Variants in RGL1 observed in about 807,000 individuals in gnomAD.
RGL1 encodes ral guanine nucleotide dissociation stimulator like 1.
RGL1 carries 24 observed loss-of-function variants against 95.2 expected under a neutral mutation model. That is an observed-to-expected ratio of 0.25 (90% CI 0.18 to 0.35). The LOEUF (loss-of-function observed/expected upper bound fraction) is 0.35, where lower values mean the gene tolerates loss of function less well. Among genes scored for constraint, RGL1 ranks in the 10% least tolerant of loss-of-function variants. The probability of loss-of-function intolerance (pLI) is 1.00; values close to 1 mark genes in which losing one functional copy is unlikely to be tolerated. For synonymous variants in RGL1, 329 were observed against 344.9 expected, an observed-to-expected ratio of 0.95 and a Z score of 0.51; for missense variants, 715 against 936.3, an observed-to-expected ratio of 0.76 and a Z score of 3.08.
chr1:183,656,626 GC>G (rs573426475), intron 1 of RGL1, among the ~76,000 whole-genome samples: 10 of 152,190 alleles, frequency 6.6e-5, no homozygotes, highest in Non-Finnish European at 1.2e-4. Flanking sequence ...CTGTGACCAT[GC>G]AGCAGCACTG....
upstream of RGL1, among the ~76,000 whole-genome samples, chr1:183,802,182 G>A (rs554013957): frequency 8.2e-4 from 125 of 152,232 alleles, no homozygotes; most frequent in African/African-American, 2.8e-3. Flanking sequence ...AGCACCATTT[G>A]TTGGAGAGAT....
intron 2 of RGL1, among the ~76,000 whole-genome samples, chr1:183,788,425 G>A (rs1355710887): frequency 6.6e-6 from 1 of 152,142 alleles, no homozygotes; most frequent in African/African-American, 2.4e-5. Flanking sequence ...CTTCCATTGG[G>A]GAGAGCAATC....
In RGL1 at chr1:183,710,874, G is replaced by C. The variant is rs796547462; in HGVS notation, c.-32-31252G>C. Among the ~76,000 whole-genome samples, 13 of 152,266 alleles carry C rather than the reference G, an allele frequency of 8.5e-5. 1 individual carries two copies. The highest frequency in any genetic ancestry group is 3.1e-4 in the African/African-American group (13 of 41,544). Reference sequence around the variant, plus strand: ...CCAGGATCACAGAAGTAGTGGAAGTGGATAACTAGAAGGAAAAGGGCAAAA... The same window carrying C: ...CCAGGATCACAGAAGTAGTGGAAGTCGATAACTAGAAGGAAAAGGGCAAAA... On this transcript the variant is annotated intron_variant, in intron 1 of 18. Coordinates refer to the RGL1 transcript ENST00000304685.
intron 9 of RGL1, among the ~76,000 whole-genome samples, chr1:183,896,591 A>C (rs1667715051): frequency 6.6e-6 from 1 of 152,216 alleles, no homozygotes; most frequent in African/African-American, 2.4e-5. Flanking sequence ...CAGTAGTGGA[A>C]GGTCACGTGC....
chr1:183,823,730 G>C (rs942169071), intron 2 of RGL1, among the ~76,000 whole-genome samples: 4 of 152,196 alleles, frequency 2.6e-5, no homozygotes, highest in Admixed American at 1.3e-4. Context: ...TATCATGTCT[G>C]TAGCATTCCA....
At chr1:183,761,802 T>A (rs1403019060) in intron 2 of RGL1, among the ~76,000 whole-genome samples, 2 of 152,246 alleles carry the variant, frequency 1.3e-5, no homozygotes, top group African/African-American at 4.8e-5. Context: ...CCTTCATCAA[T>A]GATCTTAACT....
intron 2 of RGL1, among the ~76,000 whole-genome samples, chr1:183,755,778 G>C (rs922196108): frequency 6.6e-6 from 1 of 152,094 alleles, no homozygotes; most frequent in African/African-American, 2.4e-5. Context: ...GTGTCCACAG[G>C]TATTTCGAGA....
intron 4 of RGL1, among the ~76,000 whole-genome samples, chr1:183,876,562 A>C (rs1031958902): frequency 6.6e-6 from 1 of 152,242 alleles, no homozygotes; most frequent in Non-Finnish European, 1.5e-5. Context: ...GACTGAATTT[A>C]GGTTATGTCA....
At chr1:183,709,269 C>T (rs371983445) in intron 1 of RGL1, 1 of 152,292 alleles carries the variant, frequency 6.6e-6, no homozygotes, top group African/African-American at 2.4e-5. Context: ...ACCCCCTCAC[C>T]CTCTTCCCGC....
At chr1:183,869,102 A>T (rs1272291505) in intron 4 of RGL1, among the ~76,000 whole-genome samples, 2 of 152,214 alleles carry the variant, frequency 1.3e-5, no homozygotes, top group African/African-American at 4.8e-5. Context: ...TGGGCAACAG[A>T]GTGAGTGAGA....
At chr1:183,898,392 G>C (rs985645175) in intron 10 of RGL1, among the ~76,000 whole-genome samples, 1 of 152,122 alleles carries the variant, frequency 6.6e-6, no homozygotes, top group East Asian at 1.9e-4. Context: ...CTAATCCCAA[G>C]GCTAACCAAA....
intron 4 of RGL1, among the ~76,000 whole-genome samples, chr1:183,879,487 G>T (rs1435596857): frequency 6.6e-6 from 1 of 152,194 alleles, no homozygotes. Flanking sequence ...ATTTTAAAAT[G>T]TGCTAAAAAA....
chr1:183,739,764 A>G (rs898053272), intron 1 of RGL1, among the ~76,000 whole-genome samples: 5 of 152,210 alleles, frequency 3.3e-5, no homozygotes, highest in Admixed American at 6.5e-5. Flanking sequence ...TTTAAAACTC[A>G]CAATTGCATC....
At chr1:183,654,120 G>A (rs954900615) in intron 1 of RGL1, among the ~76,000 whole-genome samples, 6 of 152,240 alleles carry the variant, frequency 3.9e-5, no homozygotes, top group South Asian at 4.2e-4. Context: ...GCTTCGCCAC[G>A]CCTGTTTCCA....
chr1:183,796,067 A>G (rs1253697218), intron 2 of RGL1, among the ~76,000 whole-genome samples: 2 of 152,090 alleles, frequency 1.3e-5, no homozygotes, highest in Non-Finnish European at 2.9e-5. Flanking sequence ...ATAATAGAAA[A>G]CATTATGTAT....
chr1:183,860,375 G>A (rs1033285500), intron 3 of RGL1, among the ~76,000 whole-genome samples: 1 of 152,172 alleles, frequency 6.6e-6, no homozygotes, highest in Non-Finnish European at 1.5e-5. Flanking sequence ...CAAAATAGAA[G>A]AGTAAAACCA....
intron 4 of RGL1, among the ~76,000 whole-genome samples, chr1:183,867,443 T>A (rs1316897663): frequency 1.3e-5 from 2 of 152,118 alleles, no homozygotes; most frequent in African/African-American, 4.8e-5. Context: ...AGATCGAGTG[T>A]GAGGGTCTGA....
chr1:183,698,386 A>G (rs1056785158), intron 1 of RGL1, among the ~76,000 whole-genome samples: 18 of 152,292 alleles, frequency 1.2e-4, no homozygotes, highest in African/African-American at 3.4e-4. Flanking sequence ...AATTTCCTGC[A>G]TTAATTCTCT....
In RGL1 at chr1:183,648,306, T is replaced by G. The variant is rs1157781616; in HGVS notation, c.-33+11805T>G. 1.9e-6 allele frequency: 3 copies of G among 1,614,168 alleles called. No individual in the cohort carries two copies. In the South Asian group the frequency reaches 3.3e-5, roughly 18 times the overall value. On this transcript the variant is annotated intron_variant, in intron 1 of 18. Coordinates refer to the RGL1 transcript ENST00000304685. The stretch of plus-strand genomic sequence containing the variant: ...TGAGGCAGGAAAGTCCATCTCAGTA[T>G]GATAGAGCTGAGAAAAATAAATACT...
Sources: gnomAD v4.1 joint callset for allele counts (sites outside exome capture counted in the v4.1 genomes callset) on GRCh38, gnomAD v4.1.1 for gene constraint, MANE v1.5 for transcripts, NCBI Gene and HGNC (gene_info 2026-07-23, HGNC 2026-07-21) for gene names.